The following ABCC9 variants were observed in gnomAD, a reference collection of about 807,000 sequenced individuals.
The protein encoded by ABCC9 is ATP binding cassette subfamily C member 9, also known as ATP-binding cassette sub-family C member 9.
A neutral mutation model predicts 188.3 loss-of-function variants in ABCC9; 95 were observed. That is an observed-to-expected ratio of 0.50 (90% CI 0.43 to 0.60). The LOEUF (loss-of-function observed/expected upper bound fraction) is 0.60, where lower values mean the gene tolerates loss of function less well. Among genes scored for constraint, ABCC9 ranks in the 20% least tolerant of loss-of-function variants. The probability of loss-of-function intolerance (pLI) is 0.00; values close to 1 mark genes in which losing one functional copy is unlikely to be tolerated. For missense variants in ABCC9, 1,102 were observed against 1,876.3 expected (o/e 0.59, Z 7.62); for synonymous variants, 659 against 652.7 (o/e 1.01, Z -0.15).
chr12:21,920,373 A>G (rs1419903142), intron 5 of ABCC9, among the ~76,000 whole-genome samples: 1 of 152,094 alleles, frequency 6.6e-6, no homozygotes, highest in Non-Finnish European at 1.5e-5. Flanking sequence ...ACTAAAAGTA[A>G]TAAGTGAATT....
In ABCC9 at chr12:21,844,475, T is replaced by C. The variant is rs2137384911; in HGVS notation, c.3315+8A>G. The C allele has an allele frequency of 1.9e-6, 3 of 1,611,038 alleles. No individual in the cohort carries two copies. Among genetic ancestry groups the C allele is most frequent in the Non-Finnish European group, 2.5e-6 (3 of 1,177,232 alleles). On this transcript the variant is annotated splice_region_variant and intron_variant, in intron 28 of 39. Coordinates refer to ENST00000261200, the MANE Select transcript of ABCC9 (RefSeq NM_020297.4). ...ATTTTTGAACTTGGAAGTAACCCAG[T>C]TACTCACCTGATCAATGATATTAGT...
chr12:21,821,903 G>A lies in ABCC9; in HGVS notation c.3670-3652C>T, dbSNP rs146870408. Among the ~76,000 whole-genome samples, 411 of 152,142 alleles carry A rather than the reference G, an allele frequency of 2.7e-3. 1 individual carries two copies. The highest frequency in any genetic ancestry group is 9.1e-3 in the African/African-American group (376 of 41,520). ...TATATATTTTCTGGGCCCCTTTCACGTGGTTAATGTTTTCAAAACTACTTG... is the reference window on the plus strand; with the variant it reads ...TATATATTTTCTGGGCCCCTTTCACATGGTTAATGTTTTCAAAACTACTTG... On this transcript the variant is annotated intron_variant, in intron 31 of 39. Coordinates refer to ENST00000261200, the MANE Select transcript of ABCC9 (RefSeq NM_020297.4).
intron 2 of ABCC9, among the ~76,000 whole-genome samples, chr12:21,938,734 C>T (rs187206718): frequency 7.9e-5 from 12 of 152,226 alleles, no homozygotes; most frequent in African/African-American, 2.6e-4. Flanking sequence ...TAAAATATAA[C>T]CTGCTGCTTT....
At chr12:21,840,108 T>G (rs1242590053) in intron 29 of ABCC9, among the ~76,000 whole-genome samples, 4 of 152,214 alleles carry the variant, frequency 2.6e-5, no homozygotes, top group Non-Finnish European at 4.4e-5. Flanking sequence ...TGATCTTGTA[T>G]TCTTGCAAGA....
rs977101695 is a variant in ABCC9 at position 21,887,891 on chromosome 12, C to T, written c.1846G>A (p.Asp616Asn). The T allele has an allele frequency of 6.2e-7, 1 of 1,613,526 alleles. No homozygotes were observed. Among genetic ancestry groups the T allele is most frequent in the African/African-American group, 1.3e-5 (1 of 75,008 alleles). The change falls in exon 15 of 40, where the codon GAC becomes AAC. Residue 616 changes from aspartate to asparagine, a missense_variant. Asp to Asn is a conservative substitution (Grantham distance 23, BLOSUM62 1). Transcript: ENST00000261200. Reference protein sequence around the residue: ...NEFLLSDEIGDDSWRTGESSL... With the variant: ...NEFLLSDEIGNDSWRTGESSL... ...CTTTCACCAGTTCGCCAACTGTCGT[C>T]ACCAATCTCATCACTCAAGAGAAAC...
intron 33 of ABCC9, 138 bp downstream of exon 33, chr12:21,817,045 TAATC>T (rs747497122): frequency 2.2e-6 from 2 of 891,940 alleles, no homozygotes; most frequent in South Asian, 1.5e-5. Context: ...CCGGTGTACA[TAATC>T]AAGCAAAGCC....
In ABCC9 at chr12:21,912,953, C is replaced by G; in HGVS notation, c.930G>C (p.Leu310=). ...SSTFRYLADL[L]GFAGPLCISG... ...AAATACAAAGAGGTCCAGCAAAACC[C>G]AGTAAATCAGCCAGATAGCGGAATG... Residue 310 remains leucine (L), a synonymous_variant, in exon 8 of 40, where the codon CTG becomes CTC. Coordinates refer to ENST00000261200, the MANE Select transcript of ABCC9 (RefSeq NM_020297.4). The G allele has an allele frequency of 6.2e-7, 1 of 1,613,462 alleles. No homozygotes were observed. The highest frequency in any genetic ancestry group is 8.5e-7 in the Non-Finnish European group (1 of 1,179,720).
chr12:21,862,919 AT>A (rs1487936288), intron 20 of ABCC9, 33 bp downstream of exon 20: 1 of 1,392,444 alleles, frequency 7.2e-7, no homozygotes, highest in Admixed American at 1.7e-5. Flanking sequence ...AAGAGTTGCC[AT>A]TTTGGTTCTA....
At position 21,913,062 on chromosome 12, in the gene ABCC9, T is replaced by G. The variant is rs1948394404; in HGVS notation, c.821A>C (p.Lys274Thr). Residue 274 changes from lysine (K) to threonine (T), a missense_variant, in exon 8 of 40, where the codon AAA (lysine) becomes ACA (threonine). Transcript: ENST00000261200. The stretch of plus-strand genomic sequence containing the variant: ...AGTCCGATTTGGATGATCTGCAACT[T>G]TTTTCTGAAGAAAAAAAAAAGAAAA... Reference protein sequence around the residue: ...LKDAYEEQKKKVADHPNRTPS... With the variant: ...LKDAYEEQKKTVADHPNRTPS... The G allele has an allele frequency of 1.3e-6, 2 of 1,597,518 alleles. No homozygotes were observed. The highest frequency in any genetic ancestry group is 1.7e-6 in the Non-Finnish European group (2 of 1,175,502).
Position 21,915,788 on chromosome 12 carries a change from G to A in ABCC9, c.696C>T (p.Asn232=), listed in dbSNP as rs1592227621. 3.1e-6 allele frequency: 5 copies of A among 1,613,372 alleles called. No homozygotes were observed. In the East Asian group the frequency reaches 1.1e-4, roughly 36 times the overall value. The change falls in exon 7 of 40, where the codon AAC becomes AAT. Residue 232 remains asparagine, a synonymous_variant. Coordinates refer to ENST00000261200, the MANE Select transcript of ABCC9 (RefSeq NM_020297.4). ...TTTTGTGAGCAGATATAATAAGTGT[G>A]TTCATCCACCAGTATGTTGCTTTTG... The part of the protein sequence containing the change: ...LLSKATYWWM[N]TLIISAHKKP...
intron 38 of ABCC9, 28 bp from the exon 39 acceptor site, chr12:21,806,088 C>T: frequency 6.3e-7 from 1 of 1,588,460 alleles, no homozygotes. Flanking sequence ...TGTAAATTTT[C>T]TCGGGATTAC....
At chr12:21,833,302 A>G (rs1341714068) in intron 30 of ABCC9, among the ~76,000 whole-genome samples, 2 of 152,130 alleles carry the variant, frequency 1.3e-5, no homozygotes, top group Non-Finnish European at 2.9e-5. Flanking sequence ...ACATTAAAAA[A>G]TGAACTCTGG....
intron 5 of ABCC9, chr12:21,925,396 T>G: frequency 1.6e-6 from 1 of 613,738 alleles, no homozygotes; most frequent in South Asian, 1.9e-5. Context: ...GGCCGTGATG[T>G]AATGGCAGCT....
rs370067847 is a variant in ABCC9 at position 21,936,683 on chromosome 12, A to G, written c.-9T>C. On this transcript the variant is annotated 5_prime_UTR_variant, in exon 3 of 40. Transcript: ENST00000261200. ...CAAAATGAAAGGCTCATTTCTTCTTATATGGTTTACTCTAAAAGGGAGAGA... is the reference window on the plus strand; with the variant it reads ...CAAAATGAAAGGCTCATTTCTTCTTGTATGGTTTACTCTAAAAGGGAGAGA... 1.8e-5 allele frequency: 29 copies of G among 1,603,426 alleles called. No homozygotes were observed. The highest frequency in any genetic ancestry group is 2.2e-5 in the Non-Finnish European group (26 of 1,170,738).
chr12:21,915,530 T>TTTTTTTTTTTTA, intron 7 of ABCC9, 138 bp downstream of exon 7: 1 of 169,260 alleles, frequency 5.9e-6, no homozygotes, highest in East Asian at 1.3e-4. Context: ...TTTTTTTTTT[T>TTTTTTTTTTTTA]GAGACAGAGT....
intron 17 of ABCC9, among the ~76,000 whole-genome samples, chr12:21,873,946 G>T (rs1434046049): frequency 6.6e-6 from 1 of 152,038 alleles, no homozygotes; most frequent in African/African-American, 2.4e-5. Context: ...CATTGAACTT[G>T]GCAGTGATTT....
At chr12:21,938,928 A>G (rs1949595552) in intron 2 of ABCC9, among the ~76,000 whole-genome samples, 1 of 152,224 alleles carries the variant, frequency 6.6e-6, no homozygotes, top group Non-Finnish European at 1.5e-5. Flanking sequence ...CTGGAATTCT[A>G]TGCCATTAAC....
chr12:21,828,185 C>T (rs1943502490), intron 31 of ABCC9, among the ~76,000 whole-genome samples: 1 of 152,168 alleles, frequency 6.6e-6, no homozygotes, highest in Non-Finnish European at 1.5e-5. Context: ...TGTTCCGGAT[C>T]GCACAGACTA....
chr12:21,816,766 T>A (rs1942675107), intron 33 of ABCC9, among the ~76,000 whole-genome samples: 2 of 152,134 alleles, frequency 1.3e-5, no homozygotes, highest in African/African-American at 4.8e-5. Context: ...GAGATATGCA[T>A]TTAATGAAGA....
Sources: allele counts gnomAD v4.1 joint callset (sites outside exome capture counted in the v4.1 genomes callset), GRCh38; gene constraint gnomAD v4.1.1; transcripts MANE v1.5; gene names NCBI Gene and HGNC (gene_info 2026-07-23, HGNC 2026-07-21).